Variants in SHTN1 observed in about 807,000 individuals in gnomAD.
The protein encoded by SHTN1 is shootin-1.
Under a neutral mutation model 83.1 loss-of-function variants are expected in SHTN1, and 42 were observed. That is an observed-to-expected ratio of 0.51 (90% CI 0.39 to 0.65). SHTN1 has a LOEUF of 0.65. Among genes scored for constraint, SHTN1 ranks in the 30% least tolerant of loss-of-function variants. The pLI is 0.00. For synonymous variants in SHTN1, 224 were observed against 247.7 expected, an observed-to-expected ratio of 0.90 and a Z score of 0.90; for missense variants, 622 against 737.8, an observed-to-expected ratio of 0.84 and a Z score of 1.82.
At position 116,924,746 on chromosome 10, in the gene SHTN1, A is replaced by T. The variant is rs7072631; in HGVS notation, c.1112+3046T>A. On this transcript the variant is annotated intron_variant, in intron 11 of 16. Transcript: ENST00000355371. ...ACATTTCAGTGGAGAATTTTCACCT[A>T]TTTTTTTTTTTTTTTTTTTTTTTTT... is the stretch of plus-strand genomic sequence containing the variant. Among the ~76,000 whole-genome samples, 807 of 89,494 alleles carry T rather than the reference A, an allele frequency of 9.0e-3. 22 individuals carry two copies. Among genetic ancestry groups the T allele is most frequent in the African/African-American group, 0.029 (725 of 24,644 alleles). The allele number at this position is 89,494 out of a possible 152,430, so 58.7% of individuals were successfully genotyped here. A position where few individuals can be genotyped will look rare whatever the true frequency, so the allele number is the denominator to read the frequency against.
intron 1 of SHTN1, among the ~76,000 whole-genome samples, chr10:117,097,887 GGTT>G (rs1280306830): frequency 6.6e-6 from 1 of 151,900 alleles, no homozygotes; most frequent in Admixed American, 6.6e-5. Context: ...GGTTATCAAA[GGTT>G]GTTTTTTTTT....
chr10:117,005,083 G>C lies in SHTN1; in HGVS notation c.-4C>G. The C allele has an allele frequency of 6.3e-7, 1 of 1,592,908 alleles. No individual in the cohort carries two copies. Among genetic ancestry groups the C allele is most frequent in the Non-Finnish European group, 8.5e-7 (1 of 1,169,810 alleles). On this transcript the variant is annotated 5_prime_UTR_variant, in exon 1 of 17. Coordinates refer to ENST00000355371, the MANE Select transcript of SHTN1 (RefSeq NM_001127211.3). ...TCTCTTCGTCCGAGCTGTTCATTTT[G>C]GCGGGTGGGGCCGGGAATAAAAGGG... is the stretch of plus-strand genomic sequence containing the variant.
intron 2 of SHTN1, among the ~76,000 whole-genome samples, chr10:117,034,923 A>G (rs1852473621): frequency 6.6e-6 from 1 of 152,186 alleles, no homozygotes; most frequent in South Asian, 2.1e-4. Context: ...CTACAGATTC[A>G]ATGCAATCCC....
chr10:117,089,998 C>T (rs1039205250), intron 1 of SHTN1, among the ~76,000 whole-genome samples: 9 of 152,062 alleles, frequency 5.9e-5, no homozygotes, highest in Non-Finnish European at 8.8e-5. Context: ...ATAGTGCAGC[C>T]GCTATGGAAA....
intron 2 of SHTN1, among the ~76,000 whole-genome samples, chr10:117,016,614 C>G (rs1277371238): frequency 1.3e-5 from 2 of 152,146 alleles, no homozygotes; most frequent in Non-Finnish European, 2.9e-5. Flanking sequence ...ACTATGCTGG[C>G]CAGCCTGATC....
intron 1 of SHTN1, among the ~76,000 whole-genome samples, chr10:117,113,980 G>C (rs953968873): frequency 6.6e-6 from 1 of 152,202 alleles, no homozygotes; most frequent in Non-Finnish European, 1.5e-5. Flanking sequence ...CCGGGAGGTG[G>C]AGGTTGCAGT....
intron 1 of SHTN1, among the ~76,000 whole-genome samples, chr10:117,121,544 A>T (rs1241769252): frequency 6.6e-6 from 1 of 151,216 alleles, no homozygotes; most frequent in Non-Finnish European, 1.5e-5. Context: ...ATGCCACTAT[A>T]CTCCAGCCTG....
At chr10:116,935,176 C>T (rs1048042770) in intron 9 of SHTN1, among the ~76,000 whole-genome samples, 2 of 152,210 alleles carry the variant, frequency 1.3e-5, no homozygotes, top group Non-Finnish European at 2.9e-5. Context: ...TGCCTGATTG[C>T]CCTGGCAAGA....
intron 2 of SHTN1, among the ~76,000 whole-genome samples, chr10:117,027,447 AC>A (rs1852348101): frequency 6.6e-6 from 1 of 151,934 alleles, no homozygotes; most frequent in African/African-American, 2.4e-5. Flanking sequence ...AGCATGTGGA[AC>A]CATGAGCCAA....
At chr10:116,994,485 C>G (rs1851557813) in intron 1 of SHTN1, among the ~76,000 whole-genome samples, 1 of 151,910 alleles carries the variant, frequency 6.6e-6, no homozygotes, top group Non-Finnish European at 1.5e-5. Flanking sequence ...TTTTTGTTCA[C>G]CTTTTTAGTC....
intron 13 of SHTN1, among the ~76,000 whole-genome samples, 186 bp from the exon 14 acceptor site, chr10:116,912,029 CA>C (rs1410043136): frequency 2.0e-5 from 3 of 152,146 alleles, no homozygotes; most frequent in African/African-American, 7.2e-5. Flanking sequence ...TTTCAAGTAG[CA>C]GTTAAACAAA....
chr10:117,060,727 T>C (rs1852886406), intron 1 of SHTN1, among the ~76,000 whole-genome samples: 1 of 152,238 alleles, frequency 6.6e-6, no homozygotes, highest in South Asian at 2.1e-4. Context: ...AACCAGATGA[T>C]ACTATCTTCA....
chr10:116,995,012 C>A (rs1304782793), intron 1 of SHTN1, among the ~76,000 whole-genome samples: 1 of 152,070 alleles, frequency 6.6e-6, no homozygotes, highest in South Asian at 2.1e-4. Context: ...ATCTAACATG[C>A]TACCTGTCAT....
chr10:116,980,269 C>T (rs1850967180), intron 1 of SHTN1, among the ~76,000 whole-genome samples: 1 of 152,146 alleles, frequency 6.6e-6, no homozygotes, highest in South Asian at 2.1e-4. Context: ...TTGACTGGCA[C>T]CAGAACGTCA....
intron 1 of SHTN1, among the ~76,000 whole-genome samples, chr10:117,121,642 G>A (rs1853930186): frequency 6.6e-6 from 1 of 152,060 alleles, no homozygotes; most frequent in East Asian, 1.9e-4. Flanking sequence ...ATGAATGGGG[G>A]TGGTTTCCAG....
chr10:116,960,179 A>C lies in SHTN1; in HGVS notation c.224T>G (p.Ile75Arg). 6.2e-7 allele frequency: 1 copy of C among 1,612,066 alleles called. No homozygotes were observed. The highest frequency in any genetic ancestry group is 8.5e-7 in the Non-Finnish European group (1 of 1,178,456). Residue 75 changes from isoleucine to arginine, a missense_variant, in exon 4 of 17, where the codon ATA becomes AGA. Transcript: ENST00000355371. The stretch of plus-strand genomic sequence containing the variant: ...AGCACTTTCTCGACAAGTCTTCTCT[A>C]TTTCAAGATGGTTCTGCATGAAATT... The part of the protein sequence containing the change: ...EVNFMQNHLE[I>R]EKTCRESAEA...
intron 1 of SHTN1, among the ~76,000 whole-genome samples, chr10:116,990,593 A>C (rs1017334353): frequency 1.3e-5 from 2 of 152,116 alleles, no homozygotes; most frequent in African/African-American, 4.8e-5. Flanking sequence ...CGTTGGAAGA[A>C]ACTGGATCTT....
intron 1 of SHTN1, among the ~76,000 whole-genome samples, chr10:116,981,068 C>G (rs983665840): frequency 6.6e-6 from 1 of 152,138 alleles, no homozygotes; most frequent in Non-Finnish European, 1.5e-5. Context: ...CCTGTAATCT[C>G]AACACTTTGG....
chr10:117,118,640 A>C (rs4417186), intron 1 of SHTN1, among the ~76,000 whole-genome samples: 1 of 152,106 alleles, frequency 6.6e-6, no homozygotes, highest in Non-Finnish European at 1.5e-5. Flanking sequence ...CCAAAACATG[A>C]AATCAACCTA....
Sources: allele counts gnomAD v4.1 joint callset (sites outside exome capture counted in the v4.1 genomes callset), GRCh38; gene constraint gnomAD v4.1.1; transcripts MANE v1.5; gene names NCBI Gene and HGNC (gene_info 2026-07-23, HGNC 2026-07-21).